SERPINF2: variants seen among roughly 807,000 people sequenced by gnomAD.
SERPINF2 encodes serpin family F member 2, also known as alpha-2-antiplasmin.
A neutral mutation model predicts 45.0 loss-of-function variants in SERPINF2; 15 were observed. The observed-to-expected ratio is 0.33, with a 90% CI of 0.22 to 0.51. The LOEUF (loss-of-function observed/expected upper bound fraction) is 0.51. Among genes scored for constraint, SERPINF2 ranks in the 20% least tolerant of loss-of-function variants. The probability of loss-of-function intolerance (pLI) is 0.97; values close to 1 mark genes in which losing one functional copy is unlikely to be tolerated. For synonymous variants in SERPINF2, 283 were observed against 277.9 expected (o/e 1.02, Z -0.18); for missense variants, 518 against 637.4 (o/e 0.81, Z 2.02).
intron 1 of SERPINF2, among the ~76,000 whole-genome samples, chr17:1,744,403 G>C (rs549602371): frequency 2.0e-5 from 3 of 152,104 alleles, no homozygotes. Flanking sequence ...TGAAGCAGGA[G>C]AATCGCTTGA....
rs775122469 is a variant in SERPINF2 at position 1,747,490 on chromosome 17, C to T, written c.693C>T (p.Leu231=). Residue 231 remains leucine, a synonymous_variant, in exon 7 of 10, where the codon CTC becomes CTT. Coordinates refer to ENST00000453066, the MANE Select transcript of SERPINF2 (RefSeq NM_000934.4). Reference sequence around the variant, plus strand: ...TGCCGGAAGACACCGTGTTGCTTCTCCTCAACGCCATCCACTTCCAGGGTG... The same window carrying T: ...TGCCGGAAGACACCGTGTTGCTTCTTCTCAACGCCATCCACTTCCAGGGTG... ...SGLPEDTVLL[L]LNAIHFQGFW... is the part of the protein sequence containing the mutation. The T allele has an allele frequency of 1.9e-6, 3 of 1,614,068 alleles. No homozygotes were observed. The highest frequency in any genetic ancestry group is 3.3e-5 in the Admixed American group (2 of 60,024).
At position 1,748,418 on chromosome 17, in the gene SERPINF2, C is replaced by G. The variant is rs375211770; in HGVS notation, c.716-180C>G. 1.8e-3 allele frequency among the ~76,000 whole-genome samples: 268 copies of G among 152,284 alleles called. 4 individuals are homozygous for G. Among genetic ancestry groups the G allele is most frequent in the African/African-American group, 6.2e-3 (258 of 41,566 alleles). ...AAAGAGACCTTAGATCAATTGGATG[C>G]CAGCTAGCATTCCCTGGGGTCTTGG... On this transcript the variant is annotated intron_variant, in intron 7 of 9. Coordinates refer to ENST00000453066, the MANE Select transcript of SERPINF2 (RefSeq NM_000934.4).
At position 1,747,402 on chromosome 17, in the gene SERPINF2, C is replaced by A; in HGVS notation, c.605C>A (p.Ala202Glu). The change falls in exon 7 of 10, where the codon GCA becomes GAA. Residue 202 changes from alanine to glutamate, a missense_variant. Coordinates refer to ENST00000453066, the MANE Select transcript of SERPINF2 (RefSeq NM_000934.4). ...ACGGGAAAGCAGGAAGATGACCTGG[C>A]AAACATCAACCAATGGGTGAAGGAG... ...SLTGKQEDDLANINQWVKEAT... is the reference protein window; with the variant it reads ...SLTGKQEDDLENINQWVKEAT... The A allele has an allele frequency of 6.2e-7, 1 of 1,614,186 alleles. No homozygotes were observed. Among genetic ancestry groups the A allele is most frequent in the Non-Finnish European group, 8.5e-7 (1 of 1,180,040 alleles).
rs747387759 is a variant in SERPINF2 at position 1,745,222 on chromosome 17, G to C, written c.102+9G>C. 1.8e-5 allele frequency: 28 copies of C among 1,573,376 alleles called. No individual in the cohort carries two copies. The African/African-American group carries it at 3.3e-4, about 18-fold the overall frequency. ...AGCCCTTGGGCCGGCAGGTACTGGG[G>C]AGTGAGGAGCCTGTGATGGGGGGAA... On this transcript the variant is annotated intron_variant, in intron 3 of 9. Coordinates refer to ENST00000453066, the MANE Select transcript of SERPINF2 (RefSeq NM_000934.4). The surrounding 1 kb of genome is among the most constrained non-coding windows in gnomAD (Gnocchi z 6.2).
At position 1,748,668 on chromosome 17, in the gene SERPINF2, G is replaced by C. The variant is rs142546325; in HGVS notation, c.786G>C (p.Thr262=). 1.9e-6 allele frequency: 3 copies of C among 1,612,822 alleles called. No individual in the cohort carries two copies. In the Admixed American group the frequency reaches 5.0e-5, roughly 27 times the overall value. The change falls in exon 8 of 10, where the codon ACG becomes ACC. Residue 262 remains threonine (T), a synonymous_variant. Coordinates refer to ENST00000453066, the MANE Select transcript of SERPINF2 (RefSeq NM_000934.4). ...RDSFHLDEQF[T]VPVEMMQART... ...CCTTCCACCTGGACGAGCAGTTCACGGTGCCCGTGGAAATGATGCAGGCCC... is the reference window on the plus strand; with the variant it reads ...CCTTCCACCTGGACGAGCAGTTCACCGTGCCCGTGGAAATGATGCAGGCCC...
chr17:1,743,917 GAC>G (rs1905540439), intron 1 of SERPINF2, among the ~76,000 whole-genome samples: 2 of 151,068 alleles, frequency 1.3e-5, no homozygotes, highest in African/African-American at 4.9e-5. Flanking sequence ...ATTTTTTTGA[GAC>G]AGAGTCTTGC....
Position 1,754,666 on chromosome 17 carries a change from C to G in SERPINF2, c.*132C>G. 1.6e-6 allele frequency: 1 copy of G among 634,150 alleles called. No homozygotes were observed. Among genetic ancestry groups the G allele is most frequent in the Non-Finnish European group, 2.4e-6 (1 of 415,652 alleles). The allele number at this position is 634,150 out of a possible 1,614,324, so 39.3% of individuals were successfully genotyped here. Reference sequence around the variant, plus strand: ...TGAGAGAGGCCATTCTTTCCCAACACCTCTTGGGGAGTTTAGGGTGGGGGG... The same window carrying G: ...TGAGAGAGGCCATTCTTTCCCAACAGCTCTTGGGGAGTTTAGGGTGGGGGG... On this transcript the variant is annotated 3_prime_UTR_variant, in exon 10 of 10. Transcript: ENST00000453066.
At chr17:1,747,938 G>A (rs1906002364) in intron 7 of SERPINF2, among the ~76,000 whole-genome samples, 1 of 152,000 alleles carries the variant, frequency 6.6e-6, no homozygotes, top group Non-Finnish European at 1.5e-5. Flanking sequence ...TGGGTGTGGT[G>A]GGGATGGGTG....
chr17:1,744,755 A>C (rs1380832043), intron 1 of SERPINF2: 1 of 985,314 alleles, frequency 1.0e-6, no homozygotes, highest in Non-Finnish European at 1.2e-6. Context: ...AGTGCATGAA[A>C]TGCATGAAAT....
rs1448494269 is a variant in SERPINF2, at chr17:1,745,733, A to G, written c.191A>G (p.Lys64Arg). 1.2e-6 allele frequency: 2 copies of G among 1,613,784 alleles called. No homozygotes were observed. Among genetic ancestry groups the G allele is most frequent in the Admixed American group, 1.7e-5 (1 of 60,020 alleles). ...GAGCCTGGTGGCCAGACTGCCCTGAAGAGTCCCCCAGGAGTCTGCAGCAGA... is the reference window on the plus strand; with the variant it reads ...GAGCCTGGTGGCCAGACTGCCCTGAGGAGTCCCCCAGGAGTCTGCAGCAGA... ...NQEPGGQTAL[K>R]SPPGVCSRDP... is the part of the protein sequence containing the mutation. Residue 64 changes from lysine to arginine, a missense_variant, in exon 5 of 10, where the codon AAG becomes AGG. By Grantham distance (26) the Lys-to-Arg change is conservative. Transcript: ENST00000453066. This position sits in a 1 kb window ranked among gnomAD's most constrained non-coding sequence, Gnocchi z 6.2.
chr17:1,744,088 T>TG (rs1000760268), intron 1 of SERPINF2, among the ~76,000 whole-genome samples: 16 of 150,960 alleles, frequency 1.1e-4, no homozygotes, highest in Admixed American at 3.3e-4. Flanking sequence ...AGAGATGGGG[T>TG]TTTACCATGT....
At position 1,754,453 on chromosome 17, in the gene SERPINF2, C is replaced by G; in HGVS notation, c.1395C>G (p.Arg465=). The G allele has an allele frequency of 6.2e-7, 1 of 1,608,342 alleles. No individual in the cohort carries two copies. The stretch of plus-strand genomic sequence containing the variant: ...TCCAGAGCCTGAAAGGCTTCCCCCG[C>G]GGAGACAAGCTTTTCGGCCCTGACT... ...DFLQSLKGFP[R]GDKLFGPDLK... is the part of the protein sequence containing the mutation. Residue 465 remains arginine, a synonymous_variant, in exon 10 of 10, where the codon CGC becomes CGG. Coordinates refer to ENST00000453066, the MANE Select transcript of SERPINF2 (RefSeq NM_000934.4).
Position 1,747,296 on chromosome 17 carries a change from T to C in SERPINF2, c.512-13T>C. 1 of 1,613,532 alleles carries C rather than the reference T, an allele frequency of 6.2e-7. No homozygotes were observed. Among genetic ancestry groups the C allele is most frequent in the Non-Finnish European group, 8.5e-7 (1 of 1,179,958 alleles). Reference sequence around the variant, plus strand: ...CTGGAGCCCTGGGAACAGCTTGTGCTGCCTCCGTGCAGGATTTCCCATCAA... The same window carrying C: ...CTGGAGCCCTGGGAACAGCTTGTGCCGCCTCCGTGCAGGATTTCCCATCAA... On this transcript the variant is annotated splice_polypyrimidine_tract_variant and intron_variant, in intron 6 of 9. Coordinates refer to ENST00000453066, the MANE Select transcript of SERPINF2 (RefSeq NM_000934.4).
In SERPINF2 at chr17:1,745,621, C is replaced by G; in HGVS notation, c.166-87C>G. 2.1e-6 allele frequency: 3 copies of G among 1,396,210 alleles called. No individual in the cohort carries two copies. Among genetic ancestry groups the G allele is most frequent in the Non-Finnish European group, 3.0e-6 (3 of 997,342 alleles). The allele number at this position is 1,396,210 out of a possible 1,614,324, so 86.5% of individuals were successfully genotyped here. A position where few individuals can be genotyped will look rare whatever the true frequency, so the allele number is the denominator to read the frequency against. On this transcript the variant is annotated intron_variant, in intron 4 of 9. Coordinates refer to ENST00000453066, the MANE Select transcript of SERPINF2 (RefSeq NM_000934.4). This position sits in a 1 kb window ranked among gnomAD's most constrained non-coding sequence, Gnocchi z 6.2. ...GGGGCTGGGACAAGGCCCTGCTGTC[C>G]TCAGGCACAGGGGCTGTGACAAGGC...
chr17:1,754,198 T>C lies in SERPINF2; in HGVS notation c.1140T>C (p.His380=). 1 of 1,613,364 alleles carries C rather than the reference T, an allele frequency of 6.2e-7. No individual in the cohort carries two copies. Among genetic ancestry groups the C allele is most frequent in the Non-Finnish European group, 8.5e-7 (1 of 1,180,024 alleles). Residue 380 remains histidine, a synonymous_variant, in exon 10 of 10, where the codon CAT becomes CAC. Coordinates refer to ENST00000453066, the MANE Select transcript of SERPINF2 (RefSeq NM_000934.4). ...EQSLVVSGVQ[H]QSTLELSEVG... is the part of the protein sequence containing the mutation. ...GCCTGGTGGTGTCCGGCGTGCAGCATCAGTCCACCCTGGAGCTCAGCGAGG... is the reference window on the plus strand; with the variant it reads ...GCCTGGTGGTGTCCGGCGTGCAGCACCAGTCCACCCTGGAGCTCAGCGAGG...
Position 1,752,654 on chromosome 17 carries a change from C to T in SERPINF2, c.927C>T (p.Asn309=), listed in dbSNP as rs144496567. The T allele has an allele frequency of 3.5e-4, 571 of 1,614,214 alleles. 2 individuals carry two copies. Among genetic ancestry groups the T allele is most frequent in the South Asian group, 2.0e-3 (181 of 91,086 alleles). Residue 309 remains asparagine (N), a synonymous_variant, in exon 9 of 10, where the codon AAC becomes AAT. Transcript: ENST00000453066. ...VVLVPTHFEW[N]VSQVLANLSW... is the part of the protein sequence containing the mutation. ...TTGTACCCACCCACTTTGAATGGAACGTGTCCCAGGTACTGGCCAACCTGA... is the reference window on the plus strand; with the variant it reads ...TTGTACCCACCCACTTTGAATGGAATGTGTCCCAGGTACTGGCCAACCTGA...
intron 8 of SERPINF2, 57 bp downstream of exon 8, chr17:1,748,797 G>A: frequency 4.3e-6 from 4 of 925,306 alleles, no homozygotes; most frequent in Non-Finnish European, 1.8e-6. Context: ...GGAAGGGAGT[G>A]GACAGGCTGT....
intron 8 of SERPINF2, among the ~76,000 whole-genome samples, 186 bp from the exon 9 acceptor site, chr17:1,752,400 G>C (rs931406014): frequency 2.6e-5 from 4 of 152,120 alleles, no homozygotes; most frequent in Non-Finnish European, 2.9e-5. Flanking sequence ...TTACGTGTCC[G>C]CCTGCAGTGG....
chr17:1,747,215 T>C (rs1905916458), intron 6 of SERPINF2, 53 bp downstream of exon 6: 2 of 1,609,768 alleles, frequency 1.2e-6, no homozygotes, highest in African/African-American at 2.7e-5. Context: ...TGGAGGAGGG[T>C]GAGAGCAAGG....
Sources: allele counts gnomAD v4.1 joint callset (sites outside exome capture counted in the v4.1 genomes callset), GRCh38; gene constraint gnomAD v4.1.1; non-coding constraint Gnocchi (gnomAD v3.1); transcripts MANE v1.5; gene names NCBI Gene and HGNC (gene_info 2026-07-23, HGNC 2026-07-21).